The following SYNPO2 variants were observed in gnomAD, a reference collection of about 807,000 sequenced individuals.
The protein encoded by SYNPO2 is synaptopodin 2, also known as synaptopodin-2.
Under a neutral mutation model 85.0 loss-of-function variants are expected in SYNPO2, and 56 were observed. The observed-to-expected ratio is 0.66, with a 90% CI of 0.53 to 0.82. The LOEUF (loss-of-function observed/expected upper bound fraction) is 0.82, where lower values mean the gene tolerates loss of function less well. Among genes scored for constraint, SYNPO2 ranks in the 40% least tolerant of loss-of-function variants. The pLI, the probability that SYNPO2 is intolerant of heterozygous loss-of-function variation, is 0.00. For missense variants in SYNPO2, 1,575 were observed against 1,534.2 expected (o/e 1.03, Z -0.44); for synonymous variants, 602 against 591.1 (o/e 1.02, Z -0.27).
At chr4:119,007,992 G>A (rs1231577286) in intron 1 of SYNPO2, among the ~76,000 whole-genome samples, 1 of 152,154 alleles carries the variant, frequency 6.6e-6, no homozygotes, top group East Asian at 1.9e-4. Flanking sequence ...AGGAGGAAGG[G>A]AATACAGACA....
At position 119,057,987 on chromosome 4, in the gene SYNPO2, C is replaced by A. The variant is rs1269242330; in HGVS notation, c.*53C>A. ...CTGTAGTTTTTTAAAAAAAACGCTCCTTTGTAGGGTTTTAAACTTTTCTAA... is the reference window on the plus strand; with the variant it reads ...CTGTAGTTTTTTAAAAAAAACGCTCATTTGTAGGGTTTTAAACTTTTCTAA... On this transcript the variant is annotated 3_prime_UTR_variant, in exon 5 of 5. Coordinates refer to ENST00000307142, the MANE Select transcript of SYNPO2 (RefSeq NM_133477.3). 4.5e-6 allele frequency: 7 copies of A among 1,539,556 alleles called. No homozygotes were observed. The Admixed American group carries it at 1.5e-4, about 33-fold the overall frequency.
chr4:118,856,741 G>A (rs1731513373), intron 1 of SYNPO2, among the ~76,000 whole-genome samples: 1 of 151,918 alleles, frequency 6.6e-6, no homozygotes, highest in Non-Finnish European at 1.5e-5. Context: ...CGAACTCCTG[G>A]GCTCAAGCGA....
In SYNPO2 at chr4:118,948,089, T is replaced by C. The variant is rs182603404; in HGVS notation, c.105+58948T>C. 4.6e-5 allele frequency among the ~76,000 whole-genome samples: 7 copies of C among 152,352 alleles called. No homozygotes were observed. In the East Asian group the frequency reaches 1.3e-3, roughly 29 times the overall value. ...TAAAAAAAACACTTTTTTCCCTCTC[T>C]AGAATTTTTGTAACTAGAGGTTCAA... On this transcript the variant is annotated intron_variant, in intron 1 of 4. Coordinates refer to ENST00000307142, the MANE Select transcript of SYNPO2 (RefSeq NM_133477.3).
intron 1 of SYNPO2, among the ~76,000 whole-genome samples, chr4:118,972,416 C>A (rs1045901068): frequency 1.2e-4 from 19 of 152,108 alleles, no homozygotes; most frequent in African/African-American, 4.1e-4. Flanking sequence ...TGCATTCCAG[C>A]CTGGCTGACA....
intron 1 of SYNPO2, among the ~76,000 whole-genome samples, chr4:118,862,471 A>G (rs1050426562): frequency 4.6e-5 from 7 of 152,226 alleles, no homozygotes; most frequent in Non-Finnish European, 8.8e-5. Flanking sequence ...TCTATCATAC[A>G]TAGCTTTTAT....
At chr4:118,927,455 A>G (rs1003886178) in intron 1 of SYNPO2, among the ~76,000 whole-genome samples, 1 of 152,146 alleles carries the variant, frequency 6.6e-6, no homozygotes, top group Non-Finnish European at 1.5e-5. Flanking sequence ...GTGAATCATT[A>G]AAGGCTATAC....
intron 1 of SYNPO2, among the ~76,000 whole-genome samples, chr4:118,968,123 C>A (rs977546452): frequency 6.6e-6 from 1 of 152,134 alleles, no homozygotes; most frequent in African/African-American, 2.4e-5. Flanking sequence ...CCTTGACTTG[C>A]TGAAAAACCA....
At chr4:119,036,731 TTTC>T in intron 4 of SYNPO2, 2 of 987,054 alleles carry the variant, frequency 2.0e-6, no homozygotes, top group Non-Finnish European at 2.4e-6. Context: ...ATGCAGCCAG[TTTC>T]TTAATTTTTT....
At chr4:119,033,734 C>G (rs765797903) in intron 4 of SYNPO2, 12 of 985,004 alleles carry the variant, frequency 1.2e-5, no homozygotes, top group Non-Finnish European at 1.4e-5. Context: ...TCTCCTTTAT[C>G]TGTTCAATGT....
intron 4 of SYNPO2, chr4:119,038,513 C>T (rs972454974): frequency 4.0e-5 from 39 of 985,248 alleles, no homozygotes; most frequent in Admixed American, 3.7e-4. Context: ...TCAAACTCTG[C>T]ATAAAAGGAA....
At chr4:118,988,136 C>T (rs555117352) in intron 1 of SYNPO2, among the ~76,000 whole-genome samples, 1 of 152,282 alleles carries the variant, frequency 6.6e-6, no homozygotes, top group East Asian at 1.9e-4. Context: ...TATTTTAGTC[C>T]TGTTTATTTG....
At position 118,986,369 on chromosome 4, in the gene SYNPO2, C is replaced by T. The variant is rs192897980; in HGVS notation, c.106-37061C>T. Reference sequence around the variant, plus strand: ...TCTGCCAACTTACTCTTTTATGAGCCAGAGATAGTAAAATAAGTCCGACAT... The same window carrying T: ...TCTGCCAACTTACTCTTTTATGAGCTAGAGATAGTAAAATAAGTCCGACAT... On this transcript the variant is annotated intron_variant, in intron 1 of 4. Coordinates refer to ENST00000307142, the MANE Select transcript of SYNPO2 (RefSeq NM_133477.3). Among the ~76,000 whole-genome samples the T allele has an allele frequency of 2.4e-4, 37 of 152,272 alleles. No homozygotes were observed. In the East Asian group the frequency reaches 7.0e-3, roughly 29 times the overall value.
chr4:118,999,577 T>TTGTA (rs961644553), intron 1 of SYNPO2, among the ~76,000 whole-genome samples: 19 of 151,576 alleles, frequency 1.3e-4, no homozygotes, highest in East Asian at 3.9e-4. Context: ...CCCAGCTAGC[T>TTGTA]TGTATGTATG....
intron 1 of SYNPO2, among the ~76,000 whole-genome samples, chr4:118,968,115 T>A: frequency 6.6e-6 from 1 of 152,206 alleles, no homozygotes; most frequent in East Asian, 1.9e-4. Flanking sequence ...AGCCTGGCCC[T>A]TGACTTGCTG....
chr4:118,993,653 C>T (rs984403441), intron 1 of SYNPO2, among the ~76,000 whole-genome samples: 1 of 152,176 alleles, frequency 6.6e-6, no homozygotes, highest in Non-Finnish European at 1.5e-5. Flanking sequence ...TGGAGGTTTT[C>T]CCCCTATATG....
At chr4:119,026,308 G>A (rs1394185609) in intron 2 of SYNPO2, among the ~76,000 whole-genome samples, 1 of 152,198 alleles carries the variant, frequency 6.6e-6, no homozygotes, top group East Asian at 1.9e-4. Flanking sequence ...CATTATAAGA[G>A]ATACCCAGAT....
chr4:119,005,385 A>G (rs1736996974), intron 1 of SYNPO2, among the ~76,000 whole-genome samples: 1 of 151,902 alleles, frequency 6.6e-6, no homozygotes, highest in Non-Finnish European at 1.5e-5. Flanking sequence ...TCTTTAATCC[A>G]TCTTGAATTA....
chr4:119,005,036 T>C (rs948592176), intron 1 of SYNPO2, among the ~76,000 whole-genome samples: 2 of 152,174 alleles, frequency 1.3e-5, no homozygotes, highest in African/African-American at 4.8e-5. Context: ...TTTTGAGAAA[T>C]GTCTGTTCAT....
intron 1 of SYNPO2, among the ~76,000 whole-genome samples, chr4:118,872,548 G>A (rs1307021548): frequency 1.3e-5 from 2 of 152,166 alleles, no homozygotes; most frequent in African/African-American, 4.8e-5. Context: ...TTGGCATGCT[G>A]TCAGCCCACC....
Sources: gnomAD v4.1 joint callset for allele counts (sites outside exome capture counted in the v4.1 genomes callset) on GRCh38, gnomAD v4.1.1 for gene constraint, MANE v1.5 for transcripts, NCBI Gene and HGNC (gene_info 2026-07-23, HGNC 2026-07-21) for gene names.